ABR: variants seen among roughly 807,000 people sequenced by gnomAD.
The protein encoded by ABR is ABR activator of RhoGEF and GTPase.
A neutral mutation model predicts 107.2 loss-of-function variants in ABR; 35 were observed. The observed-to-expected ratio is 0.33, with a 90% confidence interval of 0.25 to 0.43. The LOEUF is 0.43. ABR is among the 20% of genes least tolerant of loss of function. The probability of loss-of-function intolerance (pLI) is 1.00; values close to 1 mark genes in which losing one functional copy is unlikely to be tolerated. For synonymous variants in ABR, 498 were observed against 462.0 expected (o/e 1.08, Z -1.00); for missense variants, 815 against 1,115.2 (o/e 0.73, Z 3.83).
At position 1,051,716 on chromosome 17, in the gene ABR, A is replaced by G. The variant is rs2032554492; in HGVS notation, c.1562-1082T>C. Reference sequence around the variant, plus strand: ...ACGTCAGAGGTCACAGTGCGGGCATACAGTGCAGGTGGCTTACTCCACTTA... The same window carrying G: ...ACGTCAGAGGTCACAGTGCGGGCATGCAGTGCAGGTGGCTTACTCCACTTA... On this transcript the variant is annotated intron_variant, in intron 14 of 22. Coordinates refer to ENST00000302538, the MANE Select transcript of ABR (RefSeq NM_021962.5). This position sits in a 1 kb window ranked among gnomAD's most constrained non-coding sequence, Gnocchi z 4.3. Among the ~76,000 whole-genome samples the G allele has an allele frequency of 6.6e-6, 1 of 152,218 alleles. No individual in the cohort carries two copies. The highest frequency in any genetic ancestry group is 2.1e-4 in the South Asian group (1 of 4,838).
At chr17:1,059,924 G>C (rs1019378112) in intron 10 of ABR, among the ~76,000 whole-genome samples, 1 of 152,142 alleles carries the variant, frequency 6.6e-6, no homozygotes, top group African/African-American at 2.4e-5. Flanking sequence ...TTTTTCAGAG[G>C]TAAAAGCCTG....
chr17:1,227,664 G>A (rs564806658), intron 1 of ABR, among the ~76,000 whole-genome samples: 1 of 152,140 alleles, frequency 6.6e-6, no homozygotes, highest in African/African-American at 2.4e-5. Flanking sequence ...CCTTCACTGA[G>A]CAGGAAGGCA....
At chr17:1,057,858 G>T in intron 12 of ABR, 112 bp downstream of exon 12, 1 of 938,182 alleles carries the variant, frequency 1.1e-6, no homozygotes, top group Non-Finnish European at 1.7e-6. Context: ...GCACCTCTGA[G>T]GGTGACTGCG....
intron 2 of ABR, 150 bp from the exon 3 acceptor site, chr17:1,100,885 A>G (rs1057217267): frequency 1.1e-5 from 8 of 715,476 alleles, no homozygotes; most frequent in African/African-American, 8.9e-5. Flanking sequence ...GTAAAGTGGC[A>G]CAATCTCGGC....
At chr17:1,222,597 T>C (rs878903065) in intron 1 of ABR, among the ~76,000 whole-genome samples, 1 of 152,178 alleles carries the variant, frequency 6.6e-6, no homozygotes, top group African/African-American at 2.4e-5. Context: ...AGGAAATTCA[T>C]TTCCCATAAA....
At chr17:1,076,442 C>G (rs929326528) in intron 6 of ABR, among the ~76,000 whole-genome samples, 3 of 152,030 alleles carry the variant, frequency 2.0e-5, no homozygotes, top group Non-Finnish European at 2.9e-5. Context: ...TGGAGAACCC[C>G]AGAGACCCAA....
intron 9 of ABR, among the ~76,000 whole-genome samples, chr17:1,069,025 A>G (rs966494587): frequency 1.3e-5 from 2 of 152,220 alleles, no homozygotes; most frequent in Non-Finnish European, 2.9e-5. Flanking sequence ...TGTCTAATAA[A>G]AGGAGAATGC....
At chr17:1,195,123 C>T (rs1357345948) in intron 1 of ABR, among the ~76,000 whole-genome samples, 16 of 142,556 alleles carry the variant, frequency 1.1e-4, no homozygotes, top group East Asian at 4.9e-4. Flanking sequence ...CTGGCTAACA[C>T]GGTGAAACCC....
intron 4 of ABR, among the ~76,000 whole-genome samples, chr17:1,089,920 A>G (rs1462487245): frequency 6.6e-6 from 1 of 152,206 alleles, no homozygotes; most frequent in Non-Finnish European, 1.5e-5. Context: ...AGATCACGCC[A>G]CTGCACTCCA....
At chr17:1,073,561 C>G (rs2151191619) in intron 7 of ABR, 64 bp downstream of exon 7, 1 of 1,344,220 alleles carries the variant, frequency 7.4e-7, no homozygotes, top group Admixed American at 2.5e-5. Context: ...CACCCTCTCA[C>G]CCAGGCTCAG....
At chr17:1,127,671 G>A (rs1306755684) in intron 1 of ABR, among the ~76,000 whole-genome samples, 1 of 152,136 alleles carries the variant, frequency 6.6e-6, no homozygotes, top group Non-Finnish European at 1.5e-5. Flanking sequence ...AGTGGACCGC[G>A]GCTTTGCCCA....
rs1220066727 is a variant in ABR, at chr17:1,005,755, C to G, written c.*325G>C. ...GGAGGAAATGAAAGAACAAAGCGGG[C>G]TGTCTGTGTGCCCACGCCGGGCCGG... On this transcript the variant is annotated 3_prime_UTR_variant, in exon 23 of 23. Coordinates refer to ENST00000302538, the MANE Select transcript of ABR (RefSeq NM_021962.5). 7.8e-6 allele frequency: 3 copies of G among 383,262 alleles called. No individual in the cohort carries two copies. Among genetic ancestry groups the G allele is most frequent in the Admixed American group, 8.5e-5 (2 of 23,592 alleles). The allele number at this position is 383,262 out of a possible 1,614,324, so 23.7% of individuals were successfully genotyped here.
rs964938967 is a variant in ABR, at chr17:1,070,760, C to T, written c.895-670G>A. Among the ~76,000 whole-genome samples the T allele has an allele frequency of 6.6e-6, 1 of 152,186 alleles. No homozygotes were observed. Among genetic ancestry groups the T allele is most frequent in the Non-Finnish European group, 1.5e-5 (1 of 68,026 alleles). ...TGGGAGTTCCAGAGTTTCCAACCCC[C>T]GCTCAGAGCCGGGGGGTCGTCCCCA... On this transcript the variant is annotated intron_variant, in intron 8 of 22. Coordinates refer to ENST00000302538, the MANE Select transcript of ABR (RefSeq NM_021962.5). The surrounding 1 kb of genome is among the most constrained non-coding windows in gnomAD (Gnocchi z 4.2).
Position 1,010,145 on chromosome 17 carries a change from T to G in ABR, c.2237-361A>C. On this transcript the variant is annotated intron_variant, in intron 20 of 22. Coordinates refer to ENST00000302538, the MANE Select transcript of ABR (RefSeq NM_021962.5). This position sits in a 1 kb window ranked among gnomAD's most constrained non-coding sequence, Gnocchi z 4.1. ...CATATCCTGCCAGCGGTGGATTCTC[T>G]TTCTCCACCCCTTCTGCTGCTGGAG... is the stretch of plus-strand genomic sequence containing the variant. 1 of 288,668 alleles carries G rather than the reference T, an allele frequency of 3.5e-6. No individual in the cohort carries two copies. The highest frequency in any genetic ancestry group is 6.6e-6 in the Non-Finnish European group (1 of 150,674). The allele number at this position is 288,668 out of a possible 1,614,324, so 17.9% of individuals were successfully genotyped here. A position where few individuals can be genotyped will look rare whatever the true frequency, so the allele number is the denominator to read the frequency against.
At chr17:1,204,315 C>G (rs1404865342) in intron 1 of ABR, among the ~76,000 whole-genome samples, 5 of 152,130 alleles carry the variant, frequency 3.3e-5, no homozygotes, top group African/African-American at 4.8e-5. Flanking sequence ...CGTGGTGGTG[C>G]GCGCCTGTAA....
At chr17:1,128,534 GGA>G (rs2039695242) in intron 1 of ABR, among the ~76,000 whole-genome samples, 1 of 152,220 alleles carries the variant, frequency 6.6e-6, no homozygotes, top group Non-Finnish European at 1.5e-5. Context: ...GATGTTACAG[GGA>G]TATGTGTGGA....
chr17:1,212,166 C>T (rs771624923), intron 1 of ABR, among the ~76,000 whole-genome samples: 12 of 147,468 alleles, frequency 8.1e-5, no homozygotes, highest in Admixed American at 2.7e-4. Flanking sequence ...TGGTGGCTCA[C>T]GCCTATAGTC....
At chr17:1,048,586 G>C (rs12602790) in intron 16 of ABR, among the ~76,000 whole-genome samples, 1,257 of 123,910 alleles carry the variant, frequency 0.01, 12 homozygotes, top group Admixed American at 0.024. Flanking sequence ...CCTGGATCAC[G>C]TCCGGGGCCA....
At chr17:1,216,037 C>T (rs550067711) in intron 1 of ABR, among the ~76,000 whole-genome samples, 3 of 149,708 alleles carry the variant, frequency 2.0e-5, no homozygotes, top group East Asian at 3.9e-4. Flanking sequence ...ACAAACACTG[C>T]GGAAGGCCGC....
Sources: gnomAD v4.1 joint callset for allele counts (sites outside exome capture counted in the v4.1 genomes callset) on GRCh38, gnomAD v4.1.1 for gene constraint, Gnocchi (gnomAD v3.1) non-coding constraint, MANE v1.5 for transcripts, NCBI Gene and HGNC (gene_info 2026-07-23, HGNC 2026-07-21) for gene names.